COX7A2L: variants seen among roughly 807,000 people sequenced by gnomAD.
COX7A2L encodes the protein cytochrome c oxidase subunit 7A2 like.
Under a neutral mutation model 14.2 loss-of-function variants are expected in COX7A2L, and 18 were observed. The observed-to-expected ratio is 1.27, with a 90% CI of 0.88 to 1.88. COX7A2L has a LOEUF of 1.88. Ranked by LOEUF, COX7A2L falls within the 40% of genes most tolerant of loss-of-function variation. The pLI is 0.00. For synonymous variants in COX7A2L, 65 were observed against 57.4 expected (o/e 1.13, Z -0.60); for missense variants, 179 against 138.8 (o/e 1.29, Z -1.46).
At chr2:42,345,907 G>C (rs1670486920), downstream of COX7A2L, among the ~76,000 whole-genome samples, 1 of 152,198 alleles carries the variant, frequency 6.6e-6, no homozygotes, top group Non-Finnish European at 1.5e-5. Flanking sequence ...ACAGCACTGA[G>C]AAGAGACGAG....
chr2:42,343,498 T>C (rs747224035), intron 2 of COX7A2L, among the ~76,000 whole-genome samples: 7 of 152,208 alleles, frequency 4.6e-5, no homozygotes, highest in Admixed American at 2.6e-4. Context: ...TACCGGCCAA[T>C]GATCCCGACA....
rs781325675 is a variant in COX7A2L, at chr2:42,361,116, A to C, written c.46T>G (p.Trp16Gly). ...TGCGGGCTATAGGCCTCCGAAGCCC[A>C]TGCTCCTGCCAACTTCTGCGTGAAG... Reference protein sequence around the residue: ...SGFTQKLAGAWASEAYSPQGL... With the variant: ...SGFTQKLAGAGASEAYSPQGL... Residue 16 changes from tryptophan (W) to glycine (G), a missense_variant, in exon 1 of 3, where the codon TGG becomes GGG. Coordinates refer to ENST00000234301, the MANE Select transcript of COX7A2L (RefSeq NM_004718.4). The C allele has an allele frequency of 6.2e-7, 1 of 1,613,738 alleles. No individual in the cohort carries two copies. The highest frequency in any genetic ancestry group is 8.5e-7 in the Non-Finnish European group (1 of 1,179,930).
At chr2:42,366,203 G>C (rs1671161155), upstream of COX7A2L, among the ~76,000 whole-genome samples, 1 of 152,218 alleles carries the variant, frequency 6.6e-6, no homozygotes, top group Admixed American at 6.5e-5. Flanking sequence ...GCCAAGACCA[G>C]CGGATCACTT....
chr2:42,349,242 G>A (rs1670563523), downstream of COX7A2L: 1 of 152,206 alleles, frequency 6.6e-6, no homozygotes, highest in Non-Finnish European at 1.5e-5. Context: ...ACAAAATGTG[G>A]TATACCCATT....
upstream of COX7A2L, chr2:42,365,945 G>T (rs966868233): frequency 6.6e-6 from 1 of 152,184 alleles, no homozygotes; most frequent in Non-Finnish European, 1.5e-5. Flanking sequence ...ACATTGCTGG[G>T]AGAAATGAGC....
intron 2 of COX7A2L, among the ~76,000 whole-genome samples, chr2:42,336,418 A>G (rs551720015): frequency 1.3e-5 from 2 of 152,140 alleles, no homozygotes; most frequent in Admixed American, 1.3e-4. Context: ...TCCTTTCACC[A>G]GATCTCATTG....
chr2:42,363,860 G>A (rs574322773), upstream of COX7A2L, among the ~76,000 whole-genome samples: 1 of 152,332 alleles, frequency 6.6e-6, no homozygotes, highest in Non-Finnish European at 1.5e-5. Context: ...GAGTGCAAAT[G>A]CCAGTCCAGC....
chr2:42,336,448 G>C (rs967995874), intron 2 of COX7A2L, among the ~76,000 whole-genome samples: 1 of 149,206 alleles, frequency 6.7e-6, no homozygotes, highest in African/African-American at 2.5e-5. Flanking sequence ...AGAAGAAAGT[G>C]AGTGCCCGAA....
At chr2:42,364,666 G>A (rs553797401), upstream of COX7A2L, among the ~76,000 whole-genome samples, 1 of 152,278 alleles carries the variant, frequency 6.6e-6, no homozygotes, top group African/African-American at 2.4e-5. Context: ...CCTATCTGGT[G>A]TGGAAATTTT....
At position 42,339,278 on chromosome 2, in the gene COX7A2L, G is replaced by C. The variant is rs1018105264; in HGVS notation, c.193-5409C>G. ...ACAGACGCGGCCGTTGGCACCACCA[G>C]GAGCTGAGGGGTTTCTCGGGCACAG... On this transcript the variant is annotated intron_variant, in intron 2 of 2. Transcript: ENST00000468711. The surrounding 1 kb of genome is among the most constrained non-coding windows in gnomAD (Gnocchi z 5.4). 3.3e-5 allele frequency among the ~76,000 whole-genome samples: 5 copies of C among 152,182 alleles called. No individual in the cohort carries two copies. The highest frequency in any genetic ancestry group is 6.5e-5 in the Admixed American group (1 of 15,282).
rs577940201 is a variant in COX7A2L, at chr2:42,342,253, G to A, written c.193-8384C>T. On this transcript the variant is annotated intron_variant, in intron 2 of 2. Transcript: ENST00000468711. The surrounding 1 kb of genome is among the most constrained non-coding windows in gnomAD (Gnocchi z 4.9). ...CTGAAGGGGGCCCTGGACCAGCAGA[G>A]CCTGCCTCTTCCACCCTAGCCTAGC... is the stretch of plus-strand genomic sequence containing the variant. Among the ~76,000 whole-genome samples, 1 of 152,160 alleles carries A rather than the reference G, an allele frequency of 6.6e-6. No individual in the cohort carries two copies. The highest frequency in any genetic ancestry group is 2.4e-5 in the African/African-American group (1 of 41,496).
intron 2 of COX7A2L, among the ~76,000 whole-genome samples, chr2:42,343,071 A>C (rs909756847): frequency 2.0e-5 from 3 of 152,156 alleles, no homozygotes; most frequent in Non-Finnish European, 4.4e-5. Flanking sequence ...CGTTCACGTC[A>C]TGAGAGCAAG....
At chr2:42,361,329 G>A, upstream of COX7A2L, 4 of 611,758 alleles carry the variant, frequency 6.5e-6, no homozygotes, top group Non-Finnish European at 1.1e-5. Context: ...CCGCATTGGG[G>A]AACCAAAAGC....
Position 42,342,960 on chromosome 2 carries a change from C to A in COX7A2L, c.193-9091G>T, listed in dbSNP as rs890531009. On this transcript the variant is annotated intron_variant, in intron 2 of 2. Transcript: ENST00000468711. The surrounding 1 kb of genome is among the most constrained non-coding windows in gnomAD (Gnocchi z 4.9). ...GCCACAGAGGTCAGGAGGCCTGATTCCAGCTTATGCAAGTGACAGTGGCTG... is the reference window on the plus strand; with the variant it reads ...GCCACAGAGGTCAGGAGGCCTGATTACAGCTTATGCAAGTGACAGTGGCTG... Among the ~76,000 whole-genome samples the A allele has an allele frequency of 6.6e-6, 1 of 152,106 alleles. No individual in the cohort carries two copies. The highest frequency in any genetic ancestry group is 2.4e-5 in the African/African-American group (1 of 41,412).
intron 1 of COX7A2L, among the ~76,000 whole-genome samples, chr2:42,357,878 T>C (rs1558634844): frequency 6.6e-6 from 1 of 152,172 alleles, no homozygotes; most frequent in Non-Finnish European, 1.5e-5. Context: ...CCTTACATAC[T>C]AGGCCCTTCA....
At chr2:42,352,936 T>A (rs951909368) in intron 2 of COX7A2L, 1 of 492,270 alleles carries the variant, frequency 2.0e-6, no homozygotes, top group Admixed American at 3.9e-5. Flanking sequence ...GGCTATTGCT[T>A]CTTCCATGCA....
At position 42,360,793 on chromosome 2, in the gene COX7A2L, G is replaced by A. The variant is rs1325878739; in HGVS notation, c.72+297C>T. 1.9e-5 allele frequency: 8 copies of A among 422,726 alleles called. No homozygotes were observed. In the East Asian group the frequency reaches 3.2e-4, roughly 17 times the overall value. 26.2% of individuals were successfully genotyped at this position (422,726 alleles called of 1,614,324 possible). A position where few individuals can be genotyped will look rare whatever the true frequency, so the allele number is the denominator to read the frequency against. Reference sequence around the variant, plus strand: ...CCGGACCTCTGACTCGGGTCACACTGGGGACCCCCACAAACCATCCCTTTT... The same window carrying A: ...CCGGACCTCTGACTCGGGTCACACTAGGGACCCCCACAAACCATCCCTTTT... On this transcript the variant is annotated intron_variant, in intron 1 of 2. Transcript: ENST00000234301.
intron 1 of COX7A2L, chr2:42,359,781 A>G (rs904181723): frequency 6.6e-6 from 1 of 151,816 alleles, no homozygotes; most frequent in Non-Finnish European, 1.5e-5. Context: ...ACATATCACA[A>G]ACTCAACATT....
chr2:42,366,036 A>G (rs114174218), upstream of COX7A2L, among the ~76,000 whole-genome samples: 1,102 of 152,298 alleles, frequency 7.2e-3, 12 homozygotes, highest in African/African-American at 0.025. Flanking sequence ...TAAGAACCAT[A>G]CACCTGGGTC....
Sources: gnomAD v4.1 joint callset for allele counts (sites outside exome capture counted in the v4.1 genomes callset) on GRCh38, gnomAD v4.1.1 for gene constraint, Gnocchi (gnomAD v3.1) non-coding constraint, MANE v1.5 for transcripts, NCBI Gene and HGNC (gene_info 2026-07-23, HGNC 2026-07-21) for gene names.